The following PRSS1 variants were observed in gnomAD, a reference collection of about 807,000 sequenced individuals.
PRSS1 encodes the protein TCR V beta 4.1.
PRSS1 carries 22 observed loss-of-function variants against 24.2 expected under a neutral mutation model. The ratio of observed to expected loss-of-function variants is 0.91; its 90% CI spans 0.65 to 1.30. The LOEUF (loss-of-function observed/expected upper bound fraction) is 1.30. Among genes scored for constraint, PRSS1 ranks in the 50% most tolerant of loss-of-function variants. PRSS1 has a pLI of 0.00. For synonymous variants in PRSS1, 126 were observed against 116.1 expected, an observed-to-expected ratio of 1.08 and a Z score of -0.55; for missense variants, 366 against 304.2, an observed-to-expected ratio of 1.20 and a Z score of -1.51.
At chr7:142,751,749 T>G in intron 2 of PRSS1, 25 bp from the exon 3 acceptor site, 1 of 1,614,134 alleles carries the variant, frequency 6.2e-7, no homozygotes, top group Non-Finnish European at 8.5e-7. Flanking sequence ...GAGAAGGTCT[T>G]CACCATGCCT....
chr7:142,749,525 G>C lies in PRSS1; in HGVS notation c.40+1G>C, dbSNP rs149125789. 6.2e-7 allele frequency: 1 copy of C among 1,614,028 alleles called. No homozygotes were observed. On this transcript the variant is annotated splice_donor_variant, in intron 1 of 4. Transcript: ENST00000311737. LOFTEE classifies it high-confidence loss of function. ...ATCCTTACCTTTGTGGCAGCTGCTC[G>C]TGAGTATCATGCCCTGCCTCAGGCC...
intron 2 of PRSS1, 176 bp downstream of exon 2, chr7:142,750,890 T>G (rs1798653342): frequency 1.1e-6 from 1 of 951,732 alleles, no homozygotes; most frequent in African/African-American, 1.6e-5. Context: ...CAGGAACCTC[T>G]CACACCCAGG....
rs1288010897 is a variant in PRSS1, at chr7:142,752,878, G to T, written c.602G>T (p.Gly201Val). 6.2e-7 allele frequency: 1 copy of T among 1,614,108 alleles called. No homozygotes were observed. Among genetic ancestry groups the T allele is most frequent in the African/African-American group, 1.3e-5 (1 of 75,058 alleles). ...GGKDSCQGDS[G>V]GPVVCNGQLQ... ...CCTTCTTCCCCCCAGGGTGATTCTGGTGGCCCTGTGGTCTGCAATGGACAG... is the reference window on the plus strand; with the variant it reads ...CCTTCTTCCCCCCAGGGTGATTCTGTTGGCCCTGTGGTCTGCAATGGACAG... The change falls in exon 5 of 5, where the codon GGT (glycine) becomes GTT (valine). Residue 201 changes from glycine (G) to valine (V), a missense_variant. Coordinates refer to ENST00000311737, the MANE Select transcript of PRSS1 (RefSeq NM_002769.5).
At chr7:142,751,100 T>C in intron 2 of PRSS1, 1 of 702,660 alleles carries the variant, frequency 1.4e-6, no homozygotes, top group Non-Finnish European at 2.6e-6. Flanking sequence ...AGGAAGAGGG[T>C]GTGAATATCA....
At chr7:142,751,147 G>C (rs1242007096) in intron 2 of PRSS1, 1 of 700,496 alleles carries the variant, frequency 1.4e-6, no homozygotes. Flanking sequence ...TAACTGTAGA[G>C]TGTATAGACA....
rs141697925 is a variant in PRSS1, at chr7:142,752,918, C to A, written c.642C>A (p.Val214=). ...VVCNGQLQGV[V]SWGDGCAQKN... ...GCAATGGACAGCTCCAAGGAGTTGT[C>A]TCCTGGGGTGATGGCTGTGCCCAGA... Residue 214 remains valine, a synonymous_variant, in exon 5 of 5, where the codon GTC becomes GTA. Transcript: ENST00000311737. 56 of 1,614,130 alleles carry A rather than the reference C, an allele frequency of 3.5e-5. No homozygotes were observed. The African/African-American group carries it at 5.1e-4, about 15-fold the overall frequency.
At chr7:142,751,147 G>T (rs1242007096) in intron 2 of PRSS1, 5 of 700,376 alleles carry the variant, frequency 7.1e-6, no homozygotes, top group South Asian at 3.0e-5. Context: ...TAACTGTAGA[G>T]TGTATAGACA....
chr7:142,752,814 G>T (rs1421430277), intron 4 of PRSS1, 54 bp from the exon 5 acceptor site: 2 of 1,593,276 alleles, frequency 1.3e-6, no homozygotes, highest in Admixed American at 1.7e-5. Flanking sequence ...CAGAGTAAAT[G>T]TAGCTATATT....
At chr7:142,751,403 C>A in intron 2 of PRSS1, 1 of 490,478 alleles carries the variant, frequency 2.0e-6, no homozygotes, top group East Asian at 3.3e-5. Flanking sequence ...GAGGAACAGG[C>A]ACTGTGCACA....
intron 3 of PRSS1, 62 bp downstream of exon 3, chr7:142,752,089 G>T: frequency 6.2e-7 from 1 of 1,601,308 alleles, no homozygotes; most frequent in Non-Finnish European, 8.5e-7. Context: ...AACAAACCAT[G>T]CCCCTTAACT....
rs774895653 is a variant in PRSS1 at position 142,750,572 on chromosome 7, G to A, written c.58G>A (p.Asp20Asn). 6 of 1,614,012 alleles carry A rather than the reference G, an allele frequency of 3.7e-6. No individual in the cohort carries two copies. Among genetic ancestry groups the A allele is most frequent in the Non-Finnish European group, 5.1e-6 (6 of 1,179,870 alleles). ...VAAALAAPFD[D>N]DDKIVGGYNC... ...CACTCCAGTTGCTGCCCCCTTTGAT[G>A]ATGATGACAAGATCGTTGGGGGCTA... The change falls in exon 2 of 5, where the codon GAT becomes AAT. Residue 20 changes from aspartate to asparagine, a missense_variant. Asp to Asn is a conservative substitution (Grantham distance 23). Coordinates refer to ENST00000311737, the MANE Select transcript of PRSS1 (RefSeq NM_002769.5).
intron 1 of PRSS1, among the ~76,000 whole-genome samples, 173 bp downstream of exon 1, chr7:142,749,697 C>A (rs1184846824): frequency 1.5e-5 from 2 of 136,040 alleles, no homozygotes; most frequent in East Asian, 2.0e-4. Flanking sequence ...CACCTGTTCA[C>A]CTTCTCCTTG....
In PRSS1 at chr7:142,752,936, T is replaced by G. The variant is rs1481112469; in HGVS notation, c.660T>G (p.Cys220Trp). The G allele has an allele frequency of 6.2e-7, 1 of 1,613,504 alleles. No individual in the cohort carries two copies. The highest frequency in any genetic ancestry group is 2.2e-5 in the East Asian group (1 of 44,868). ...GAGTTGTCTCCTGGGGTGATGGCTG[T>G]GCCCAGAAGAACAAGCCTGGAGTCT... The part of the protein sequence containing the change: ...LQGVVSWGDG[C>W]AQKNKPGVYT... Residue 220 changes from cysteine to tryptophan, a missense_variant, in exon 5 of 5, where the codon TGT becomes TGG. Cys to Trp is a radical substitution (Grantham distance 215, BLOSUM62 -2). Transcript: ENST00000311737.
chr7:142,752,865 C>A lies in PRSS1; in HGVS notation c.592-3C>A. 2 of 1,613,960 alleles carry A rather than the reference C, an allele frequency of 1.2e-6. No homozygotes were observed. The highest frequency in any genetic ancestry group is 4.5e-5 in the East Asian group (2 of 44,882). ...CATACAACTTGTCCCTTCTTCCCCC[C>A]AGGGTGATTCTGGTGGCCCTGTGGT... On this transcript the variant is annotated splice_region_variant and splice_polypyrimidine_tract_variant and intron_variant, in intron 4 of 4. Coordinates refer to ENST00000311737, the MANE Select transcript of PRSS1 (RefSeq NM_002769.5).
chr7:142,751,573 A>C, intron 2 of PRSS1: 2 of 957,064 alleles, frequency 2.1e-6, no homozygotes, highest in Non-Finnish European at 3.1e-6. Context: ...CCCCACTACC[A>C]CCAACCTCTG....
chr7:142,751,911 TCTC>T lies in PRSS1; in HGVS notation c.342_344del (p.Ser115del). On this transcript the variant is annotated inframe_deletion, in exon 3 of 5. Coordinates refer to ENST00000311737, the MANE Select transcript of PRSS1 (RefSeq NM_002769.5). ...AACAATGACATCATGTTAATCAAGC[TCTC>T]CTCACGTGCAGTAATCAACGCCCGC... The T allele has an allele frequency of 1.9e-6, 3 of 1,613,844 alleles. No individual in the cohort carries two copies. The highest frequency in any genetic ancestry group is 2.5e-6 in the Non-Finnish European group (3 of 1,179,974).
At position 142,752,462 on chromosome 7, in the gene PRSS1, T is replaced by A. The variant is rs6666; in HGVS notation, c.486T>A (p.Asp162Glu). The A allele has an allele frequency of 4.4e-6, 7 of 1,599,374 alleles. No individual in the cohort carries two copies. The highest frequency in any genetic ancestry group is 6.0e-6 in the Non-Finnish European group (7 of 1,170,314). ...ACCCAGACGAGCTGCAGTGCCTGGA[T>A]GCTCCTGTGCTGAGCCAGGCTAAGT... ...ADYPDELQCLDAPVLSQAKCE... is the reference protein window; with the variant it reads ...ADYPDELQCLEAPVLSQAKCE... Residue 162 changes from aspartate to glutamate, a missense_variant, in exon 4 of 5, where the codon GAT (aspartate) becomes GAA (glutamate). By Grantham distance (45) the Asp-to-Glu change is conservative. Coordinates refer to ENST00000311737, the MANE Select transcript of PRSS1 (RefSeq NM_002769.5).
intron 3 of PRSS1, 120 bp downstream of exon 3, chr7:142,752,147 C>T: frequency 6.8e-7 from 1 of 1,479,238 alleles, no homozygotes; most frequent in East Asian, 2.3e-5. Flanking sequence ...GTGCCCATTA[C>T]ACACAGACTC....
At chr7:142,750,984 G>T in intron 2 of PRSS1, 1 of 717,202 alleles carries the variant, frequency 1.4e-6, no homozygotes. Flanking sequence ...AGAAAAGCAG[G>T]CAAGTATCTT....
Sources: gnomAD v4.1 joint callset for allele counts (sites outside exome capture counted in the v4.1 genomes callset) on GRCh38, gnomAD v4.1.1 for gene constraint, MANE v1.5 for transcripts, NCBI Gene and HGNC (gene_info 2026-07-23, HGNC 2026-07-21) for gene names.